RNF216: variants seen among roughly 807,000 people sequenced by gnomAD.
The protein encoded by RNF216 is ring finger protein 216, also known as E3 ubiquitin-protein ligase RNF216.
In RNF216, 72 loss-of-function variants were observed where a neutral mutation model predicts 110.8. The ratio of observed to expected loss-of-function variants is 0.65; its 90% confidence interval spans 0.54 to 0.79. The LOEUF is 0.79. Ranked by LOEUF, RNF216 falls within the 30% of genes least tolerant of loss-of-function variation. RNF216 has a pLI of 0.00. For missense variants in RNF216, 1,342 were observed against 1,141.2 expected, an observed-to-expected ratio of 1.18 and a Z score of -2.54; for synonymous variants, 495 against 407.5, an observed-to-expected ratio of 1.21 and a Z score of -2.59.
At chr7:5,727,367 G>A (rs1793823893) in intron 7 of RNF216, among the ~76,000 whole-genome samples, 1 of 152,138 alleles carries the variant, frequency 6.6e-6, no homozygotes, top group Non-Finnish European at 1.5e-5. Context: ...ACTAATCTAT[G>A]CTTATTATTG....
rs1475651614 is a variant in RNF216, at chr7:5,624,594, C to T, written c.2383-469G>A. On this transcript the variant is annotated intron_variant, in intron 15 of 16. Coordinates refer to ENST00000389902, the MANE Select transcript of RNF216 (RefSeq NM_207111.4). The surrounding 1 kb of genome is among the most constrained non-coding windows in gnomAD (Gnocchi z 4.4). Reference sequence around the variant, plus strand: ...GAGATGGACAAATGTCCAGTCGGGCCCTGCTTAGCCCCCAAGGCTGGCCTT... The same window carrying T: ...GAGATGGACAAATGTCCAGTCGGGCTCTGCTTAGCCCCCAAGGCTGGCCTT... 1.3e-5 allele frequency among the ~76,000 whole-genome samples: 2 copies of T among 152,208 alleles called. No homozygotes were observed. The highest frequency in any genetic ancestry group is 2.4e-5 in the African/African-American group (1 of 41,456).
intron 14 of RNF216, among the ~76,000 whole-genome samples, chr7:5,641,999 C>A (rs1315115399): frequency 1.4e-5 from 2 of 144,586 alleles, no homozygotes; most frequent in East Asian, 4.1e-4. Flanking sequence ...TGTCACTGCA[C>A]CCCAGCCTAT....
intron 13 of RNF216, among the ~76,000 whole-genome samples, chr7:5,688,592 G>T (rs940578122): frequency 2.0e-5 from 3 of 152,196 alleles, no homozygotes; most frequent in Admixed American, 1.3e-4. Context: ...AAAGGCGCAT[G>T]TATTTACCAG....
intron 5 of RNF216, among the ~76,000 whole-genome samples, chr7:5,737,110 A>G (rs892729068): frequency 1.3e-5 from 2 of 152,228 alleles, no homozygotes; most frequent in African/African-American, 2.4e-5. Context: ...AAGATAGAGA[A>G]ATCAGATTGT....
intron 13 of RNF216, among the ~76,000 whole-genome samples, chr7:5,695,635 G>C (rs983198863): frequency 1.3e-5 from 2 of 152,224 alleles, no homozygotes; most frequent in East Asian, 3.8e-4. Context: ...GGTGCCGAGA[G>C]AGATGACAGA....
intron 13 of RNF216, among the ~76,000 whole-genome samples, chr7:5,670,994 G>A (rs1313787961): frequency 6.8e-6 from 1 of 147,752 alleles, no homozygotes; most frequent in Non-Finnish European, 1.5e-5. Context: ...CGGGGGAGCT[G>A]CCGGAGTGGC....
At chr7:5,700,675 G>A (rs1791907740) in intron 13 of RNF216, among the ~76,000 whole-genome samples, 1 of 152,146 alleles carries the variant, frequency 6.6e-6, no homozygotes, top group Non-Finnish European at 1.5e-5. Context: ...AAAATCCACA[G>A]AGAATCTTTT....
At chr7:5,778,453 A>C (rs1796900180) in intron 1 of RNF216, among the ~76,000 whole-genome samples, 1 of 152,226 alleles carries the variant, frequency 6.6e-6, no homozygotes, top group Admixed American at 6.5e-5. Context: ...ACAATACTTT[A>C]ATATACTTAT....
chr7:5,744,820 A>G (rs1393269581), intron 3 of RNF216, among the ~76,000 whole-genome samples: 3 of 152,008 alleles, frequency 2.0e-5, no homozygotes, highest in Non-Finnish European at 4.4e-5. Flanking sequence ...TAAAACTACA[A>G]AATTAGCTGG....
intron 1 of RNF216, among the ~76,000 whole-genome samples, chr7:5,771,782 A>C (rs1467817786): frequency 6.6e-6 from 1 of 152,096 alleles, no homozygotes; most frequent in East Asian, 1.9e-4. Context: ...GGGCAATGGG[A>C]GTGAAACCCT....
chr7:5,698,494 A>C (rs183476657), intron 13 of RNF216, among the ~76,000 whole-genome samples: 3 of 151,978 alleles, frequency 2.0e-5, no homozygotes, highest in Admixed American at 2.0e-4. Flanking sequence ...GGCTCAGGTG[A>C]TCTTCCCGCC....
At chr7:5,629,642 T>C (rs1404636942) in intron 15 of RNF216, among the ~76,000 whole-genome samples, 1 of 151,574 alleles carries the variant, frequency 6.6e-6, no homozygotes, top group Non-Finnish European at 1.5e-5. Flanking sequence ...GCCTGGCCAA[T>C]ATGGTGAAAC....
intron 13 of RNF216, among the ~76,000 whole-genome samples, chr7:5,700,828 G>C (rs543875747): frequency 6.6e-6 from 1 of 152,278 alleles, no homozygotes; most frequent in South Asian, 2.1e-4. Context: ...GGGTGGGCAG[G>C]ATGACCAGTG....
intron 13 of RNF216, among the ~76,000 whole-genome samples, chr7:5,682,506 C>T (rs566939047): frequency 6.6e-6 from 1 of 151,158 alleles, no homozygotes; most frequent in Non-Finnish European, 1.5e-5. Context: ...TTCCTGGGTT[C>T]AAGCGATTCT....
intron 13 of RNF216, among the ~76,000 whole-genome samples, chr7:5,659,175 G>C (rs1788941286): frequency 1.3e-5 from 2 of 152,150 alleles, no homozygotes. Flanking sequence ...TTCCAGACCA[G>C]CTTACTTATT....
intron 13 of RNF216, among the ~76,000 whole-genome samples, chr7:5,660,956 T>TG (rs1323917864): frequency 6.8e-6 from 1 of 146,412 alleles, no homozygotes; most frequent in East Asian, 2.0e-4. Context: ...TTTTTTTTTT[T>TG]TTTTTTTTTT....
At chr7:5,663,611 T>G (rs1789301006) in intron 13 of RNF216, among the ~76,000 whole-genome samples, 1 of 132,388 alleles carries the variant, frequency 7.6e-6, no homozygotes. Context: ...AAAAAAAAGT[T>G]CACTTGAGGC....
chr7:5,646,464 C>T (rs1258113841), intron 14 of RNF216, among the ~76,000 whole-genome samples: 5 of 151,938 alleles, frequency 3.3e-5, no homozygotes, highest in East Asian at 1.9e-4. Context: ...GAGGCAGAGG[C>T]GGGCAGATAA....
chr7:5,709,847 T>C (rs956828485), intron 13 of RNF216, among the ~76,000 whole-genome samples: 4 of 152,204 alleles, frequency 2.6e-5, no homozygotes, highest in Admixed American at 2.6e-4. Flanking sequence ...CTCAATCTCC[T>C]GGGCTCAACT....
Sources: gnomAD v4.1 joint callset for allele counts (sites outside exome capture counted in the v4.1 genomes callset) on GRCh38, gnomAD v4.1.1 for gene constraint, Gnocchi (gnomAD v3.1) non-coding constraint, MANE v1.5 for transcripts, NCBI Gene and HGNC (gene_info 2026-07-23, HGNC 2026-07-21) for gene names.